The following COL18A1 variants were observed in gnomAD, a reference collection of about 807,000 sequenced individuals.
The protein encoded by COL18A1 is collagen type XVIII alpha 1 chain, also known as collagen alpha-1(XVIII) chain.
In COL18A1, 133 loss-of-function variants were observed where a neutral mutation model predicts 168.0. The observed-to-expected ratio is 0.79, with a 90% confidence interval of 0.69 to 0.91. The LOEUF is 0.91. Ranked by LOEUF, COL18A1 falls within the 40% of genes least tolerant of loss-of-function variation. The pLI is 0.00. For synonymous variants in COL18A1, 949 were observed against 809.0 expected (o/e 1.17, Z -2.94); for missense variants, 2,126 against 1,925.4 (o/e 1.10, Z -1.95).
rs113268527 is a variant in COL18A1 at position 45,509,458 on chromosome 21, G to A, written c.3352G>A (p.Ala1118Thr). The A allele has an allele frequency of 0.011, 16,175 of 1,533,408 alleles. 120 individuals are homozygous for A. The highest frequency in any genetic ancestry group is 0.013 in the Non-Finnish European group (15,171 of 1,141,574). 95.0% of individuals were successfully genotyped at this position (1,533,408 alleles called of 1,614,324 possible). ...HPHPTARPWR[A>T]DDILASPPRL... ...CCACCCCACCGCGCGGCCCTGGCGG[G>A]CAGATGACATCCTGGCCAGCCCCCC... is the stretch of plus-strand genomic sequence containing the variant. The change falls in exon 39 of 42, where the codon GCA (alanine) becomes ACA (threonine). Residue 1118 changes from alanine to threonine, a missense_variant. By Grantham distance (58) the Ala-to-Thr change is moderately conservative (BLOSUM62 0). Transcript: ENST00000651438.
chr21:45,428,683 G>A (rs1406474086), intron 2 of COL18A1, among the ~76,000 whole-genome samples: 5 of 152,058 alleles, frequency 3.3e-5, no homozygotes, highest in Non-Finnish European at 7.4e-5. Context: ...CGGCGGTTCT[G>A]GACGTTCATG....
intron 2 of COL18A1, among the ~76,000 whole-genome samples, 158 bp downstream of exon 2, chr21:45,405,631 C>T (rs936261834): frequency 2.7e-5 from 4 of 150,920 alleles, no homozygotes; most frequent in African/African-American, 7.3e-5. Context: ...CCGGACGGAG[C>T]GGGGCGGGGT....
intron 32 of COL18A1, chr21:45,502,485 G>A (rs1602593062): frequency 6.6e-6 from 1 of 152,216 alleles, no homozygotes; most frequent in African/African-American, 2.4e-5. Context: ...GATGAAAATA[G>A]ATGGGAAGAA....
chr21:45,452,838 T>C (rs2034661889), intron 2 of COL18A1, among the ~76,000 whole-genome samples: 1 of 139,266 alleles, frequency 7.2e-6, no homozygotes. Context: ...ATGACATGTG[T>C]AAACATGTAT....
chr21:45,494,215 T>C, intron 26 of COL18A1: 1 of 518,064 alleles, frequency 1.9e-6, no homozygotes, highest in Non-Finnish European at 3.5e-6. Context: ...AGCTGGGGCC[T>C]GTGGCAACCA....
intron 2 of COL18A1, among the ~76,000 whole-genome samples, chr21:45,440,655 G>A (rs907446275): frequency 1.3e-5 from 2 of 150,954 alleles, no homozygotes; most frequent in Non-Finnish European, 3.0e-5. Context: ...GCCTGCTGGG[G>A]TTTGAGCCAC....
chr21:45,503,745 C>T (rs1034469690), intron 32 of COL18A1, among the ~76,000 whole-genome samples: 1 of 151,650 alleles, frequency 6.6e-6, no homozygotes, highest in African/African-American at 2.4e-5. Context: ...ATGTAACTAA[C>T]CTGCACATCA....
Position 45,491,305 on chromosome 21 carries a change from G to C in COL18A1, c.2148G>C (p.Ser716=). The change falls in exon 22 of 42, where the codon TCG becomes TCC. Residue 716 remains serine (S), a synonymous_variant. Transcript: ENST00000651438. ...CCCCGGGACCTGTGGTCTACGTGTCGGAGCAGGACGTAAGGACGCTGCGTG... is the reference window on the plus strand; with the variant it reads ...CCCCGGGACCTGTGGTCTACGTGTCCGAGCAGGACGTAAGGACGCTGCGTG... The part of the protein sequence containing the change: ...PGPPGPVVYV[S]EQDGSVLSVP... 6.2e-7 allele frequency: 1 copy of C among 1,611,464 alleles called. No individual in the cohort carries two copies. The highest frequency in any genetic ancestry group is 1.1e-5 in the South Asian group (1 of 91,014).
Position 45,463,715 on chromosome 21 carries a change from C to T in COL18A1, c.107-4527C>T, listed in dbSNP as rs1488714225. ...GAGTTGGAGACCAGCCTGACCAACACGGAGAAACCCCATCTCTACTAACAA... is the reference window on the plus strand; with the variant it reads ...GAGTTGGAGACCAGCCTGACCAACATGGAGAAACCCCATCTCTACTAACAA... On this transcript the variant is annotated intron_variant, in intron 2 of 41. Coordinates refer to ENST00000651438, the MANE Select transcript of COL18A1 (RefSeq NM_001379500.1). The surrounding 1 kb of genome is among the most constrained non-coding windows in gnomAD (Gnocchi z 4.0). Among the ~76,000 whole-genome samples the T allele has an allele frequency of 7.9e-5, 12 of 152,052 alleles. No homozygotes were observed. Among genetic ancestry groups the T allele is most frequent in the Non-Finnish European group, 1.8e-4 (12 of 68,032 alleles).
chr21:45,418,972 G>A (rs751278925), intron 2 of COL18A1, among the ~76,000 whole-genome samples: 70 of 152,338 alleles, frequency 4.6e-4, no homozygotes, highest in South Asian at 2.9e-3. Flanking sequence ...AGTCTTCACC[G>A]CCTCAGTCTG....
Position 45,471,613 on chromosome 21 carries a change from G to A in COL18A1, c.652-2282G>A, listed in dbSNP as rs2035431398. Among the ~76,000 whole-genome samples the A allele has an allele frequency of 6.6e-6, 1 of 152,180 alleles. No individual in the cohort carries two copies. Among genetic ancestry groups the A allele is most frequent in the African/African-American group, 2.4e-5 (1 of 41,448 alleles). ...CTCGTCCTAAGAGTCCTTGGGCGTT[G>A]TTGGTCTTTTCAGGTTCACTTTCTT... On this transcript the variant is annotated intron_variant, in intron 3 of 41. Coordinates refer to ENST00000651438, the MANE Select transcript of COL18A1 (RefSeq NM_001379500.1). The surrounding 1 kb of genome is among the most constrained non-coding windows in gnomAD (Gnocchi z 4.4).
intron 9 of COL18A1, among the ~76,000 whole-genome samples, chr21:45,479,157 T>C (rs2035790323): frequency 6.8e-6 from 1 of 146,568 alleles, no homozygotes; most frequent in African/African-American, 2.6e-5. Context: ...TGTGTTTGAG[T>C]GTGTGAATGT....
intron 2 of COL18A1, chr21:45,456,682 C>T (rs1466020248): frequency 1.3e-6 from 2 of 1,532,444 alleles, no homozygotes; most frequent in Non-Finnish European, 1.8e-6. Flanking sequence ...GCCACCCCTT[C>T]CTCGCCTGGT....
intron 22 of COL18A1, 30 bp from the exon 23 acceptor site, chr21:45,492,505 T>C: frequency 6.2e-7 from 1 of 1,613,498 alleles, no homozygotes; most frequent in East Asian, 2.2e-5. Flanking sequence ...CGGCTCTTTG[T>C]TTCCGATTTT....
At chr21:45,415,362 C>G (rs555792377) in intron 2 of COL18A1, among the ~76,000 whole-genome samples, 138 of 152,286 alleles carry the variant, frequency 9.1e-4, no homozygotes, top group East Asian at 1.9e-4. Flanking sequence ...TTCGGAATCT[C>G]CTGACTCAAT....
Position 45,496,530 on chromosome 21 carries a change from C to A in COL18A1, c.2539C>A (p.Pro847Thr). 3.3e-6 allele frequency: 5 copies of A among 1,523,676 alleles called. No individual in the cohort carries two copies. The highest frequency in any genetic ancestry group is 4.6e-6 in the Non-Finnish European group (5 of 1,098,456). The allele number at this position is 1,523,676 out of a possible 1,614,324, so 94.4% of individuals were successfully genotyped here. A position where few individuals can be genotyped will look rare whatever the true frequency, so the allele number is the denominator to read the frequency against. ...GCCCGGCCCCCCAGGACCTCCAGGGCCCCCAGGCCCTCCAGGGACTCCTGT... is the reference window on the plus strand; with the variant it reads ...GCCCGGCCCCCCAGGACCTCCAGGGACCCCAGGCCCTCCAGGGACTCCTGT... The part of the protein sequence containing the change: ...GMPGPPGPPG[P>T]PGPPGTPVYD... Residue 847 changes from proline to threonine, a missense_variant, in exon 30 of 42, where the codon CCC becomes ACC. Physicochemically the swap from Pro to Thr is conservative, Grantham distance 38 (BLOSUM62 -1). Transcript: ENST00000651438.
intron 2 of COL18A1, chr21:45,407,391 T>G (rs2033148751): frequency 6.6e-6 from 1 of 152,248 alleles, no homozygotes; most frequent in Non-Finnish European, 1.5e-5. Context: ...GTCTTTTGCT[T>G]TTTTGTGTCA....
At chr21:45,510,019 G>A in intron 39 of COL18A1, 45 bp from the exon 40 acceptor site, 1 of 1,530,324 alleles carries the variant, frequency 6.5e-7, no homozygotes, top group Non-Finnish European at 8.8e-7. Flanking sequence ...CTGGGTGCAG[G>A]GGGCAGCGTG....
Position 45,486,960 on chromosome 21 carries a change from G to T in COL18A1, c.1801G>T (p.Gly601Trp). ...ACCACCAGGCCCCCCTGGGCCCCCT[G>T]GGCCCCCAGGACCAGGACTCCCCGC... Reference protein sequence around the residue: ...AGPPGPPGPPGPPGPGLPAGF... With the variant: ...AGPPGPPGPPWPPGPGLPAGF... The change falls in exon 16 of 42, where the codon GGG (glycine) becomes TGG (tryptophan). Residue 601 changes from glycine (G) to tryptophan (W), a missense_variant. Transcript: ENST00000651438. The T allele has an allele frequency of 1.3e-6, 2 of 1,506,654 alleles. No individual in the cohort carries two copies. Among genetic ancestry groups the T allele is most frequent in the Non-Finnish European group, 1.8e-6 (2 of 1,132,738 alleles). The allele number at this position is 1,506,654 out of a possible 1,614,324, so 93.3% of individuals were successfully genotyped here.
Sources: gnomAD v4.1 joint callset for allele counts (sites outside exome capture counted in the v4.1 genomes callset) on GRCh38, gnomAD v4.1.1 for gene constraint, Gnocchi (gnomAD v3.1) non-coding constraint, MANE v1.5 for transcripts, NCBI Gene and HGNC (gene_info 2026-07-23, HGNC 2026-07-21) for gene names.